The following AKAP6 variants were observed in gnomAD, a reference collection of about 807,000 sequenced individuals.
AKAP6 encodes the protein A-kinase anchoring protein 6.
A neutral mutation model predicts 188.5 loss-of-function variants in AKAP6; 58 were observed. That is an observed-to-expected ratio of 0.31 (90% CI 0.25 to 0.38). The LOEUF (loss-of-function observed/expected upper bound fraction) is 0.38. AKAP6 is among the 10% of genes least tolerant of loss of function. The probability of loss-of-function intolerance (pLI) is 1.00; values close to 1 mark genes in which losing one functional copy is unlikely to be tolerated. For missense variants in AKAP6, 2,710 were observed against 2,740.0 expected (o/e 0.99, Z 0.24); for synonymous variants, 989 against 998.6 (o/e 0.99, Z 0.18).
chr14:32,610,998 A>G, intron 7 of AKAP6, among the ~76,000 whole-genome samples: 1 of 152,198 alleles, frequency 6.6e-6, no homozygotes, highest in East Asian at 1.9e-4. Context: ...TGAAAGAGGA[A>G]GAACTGAAAG....
At chr14:32,580,436 T>C (rs745928084) in intron 5 of AKAP6, among the ~76,000 whole-genome samples, 1 of 152,122 alleles carries the variant, frequency 6.6e-6, no homozygotes, top group Non-Finnish European at 1.5e-5. Context: ...CAGACTTCTA[T>C]CTCTCTCCCT....
At chr14:32,671,987 A>G (rs1054630017) in intron 7 of AKAP6, among the ~76,000 whole-genome samples, 1 of 152,132 alleles carries the variant, frequency 6.6e-6, no homozygotes, top group African/African-American at 2.4e-5. Context: ...CTTCGAGTTG[A>G]TTAGATTGAC....
intron 1 of AKAP6, among the ~76,000 whole-genome samples, chr14:32,383,552 T>C (rs1456605497): frequency 2.0e-5 from 3 of 152,182 alleles, no homozygotes; most frequent in African/African-American, 7.2e-5. Context: ...AGTTACATCA[T>C]GTGATGTAAC....
At chr14:32,525,322 T>C (rs959702711) in intron 2 of AKAP6, among the ~76,000 whole-genome samples, 21 of 152,212 alleles carry the variant, frequency 1.4e-4, no homozygotes, top group African/African-American at 4.8e-4. Context: ...GCTCAATAAA[T>C]GAATCCTCTG....
chr14:32,677,026 A>G (rs1889458398), intron 7 of AKAP6, among the ~76,000 whole-genome samples: 1 of 152,108 alleles, frequency 6.6e-6, no homozygotes, highest in Admixed American at 6.6e-5. Flanking sequence ...GGGTTTCGCC[A>G]TGTTGGCCAG....
At chr14:32,657,541 C>T (rs1237231165) in intron 7 of AKAP6, among the ~76,000 whole-genome samples, 3 of 152,110 alleles carry the variant, frequency 2.0e-5, no homozygotes, top group African/African-American at 7.2e-5. Context: ...TTGTCATGGT[C>T]TTTCAGATTT....
intron 2 of AKAP6, among the ~76,000 whole-genome samples, chr14:32,439,842 G>A (rs17099134): frequency 0.12 from 17,926 of 152,130 alleles, 2,204 homozygotes; most frequent in African/African-American, 0.31. Flanking sequence ...GTTAAAGCCC[G>A]AAGCATTCAA....
chr14:32,581,703 G>A (rs1265929190), intron 5 of AKAP6, among the ~76,000 whole-genome samples: 4 of 152,192 alleles, frequency 2.6e-5, no homozygotes, highest in African/African-American at 4.8e-5. Flanking sequence ...ATATATTTAG[G>A]ACAGTTAGCT....
intron 7 of AKAP6, among the ~76,000 whole-genome samples, chr14:32,639,467 T>C (rs537964001): frequency 5.3e-5 from 8 of 152,248 alleles, no homozygotes; most frequent in South Asian, 4.1e-4. Flanking sequence ...AAAAGAATCA[T>C]TCATATGTGT....
chr14:32,809,463 C>A (rs532789001), intron 12 of AKAP6, among the ~76,000 whole-genome samples: 2 of 152,310 alleles, frequency 1.3e-5, no homozygotes, highest in African/African-American at 2.4e-5. Flanking sequence ...ACCCAGCAAG[C>A]CTCCTTATTG....
At chr14:32,483,434 G>C (rs1320404376) in intron 2 of AKAP6, among the ~76,000 whole-genome samples, 1 of 151,850 alleles carries the variant, frequency 6.6e-6, no homozygotes, top group Non-Finnish European at 1.5e-5. Context: ...GTTTTATAGT[G>C]AAGTTTGATT....
chr14:32,666,435 A>G (rs1888938052), intron 7 of AKAP6, among the ~76,000 whole-genome samples: 1 of 152,088 alleles, frequency 6.6e-6, no homozygotes, highest in Non-Finnish European at 1.5e-5. Context: ...TGTTTTAGAT[A>G]TAGGATCATT....
At chr14:32,692,952 T>C (rs1890242783) in intron 8 of AKAP6, among the ~76,000 whole-genome samples, 1 of 152,208 alleles carries the variant, frequency 6.6e-6, no homozygotes, top group African/African-American at 2.4e-5. Context: ...ATAGCCTCTC[T>C]AATAAATTAA....
At chr14:32,402,567 C>T (rs1594580119) in intron 1 of AKAP6, among the ~76,000 whole-genome samples, 1 of 152,070 alleles carries the variant, frequency 6.6e-6, no homozygotes, top group Admixed American at 6.5e-5. Context: ...TTTTGAGTGC[C>T]TGGAGAACTA....
chr14:32,653,657 T>G (rs1308113959), intron 7 of AKAP6, among the ~76,000 whole-genome samples: 1 of 152,112 alleles, frequency 6.6e-6, no homozygotes, highest in Non-Finnish European at 1.5e-5. Flanking sequence ...AATGCAAGAA[T>G]TGCCTAGTAC....
intron 1 of AKAP6, among the ~76,000 whole-genome samples, chr14:32,388,336 GTTGT>G (rs1390704813): frequency 4.6e-5 from 7 of 151,796 alleles, no homozygotes; most frequent in South Asian, 2.1e-4. Context: ...TGTTGTTGTT[GTTGT>G]TTGTTTGTTT....
chr14:32,519,337 CATAACA>C lies in AKAP6; in HGVS notation c.325-16213_325-16208del, dbSNP rs1881693804. ...TCATAATGACAGGATGAAATTCACACATAACAATATTAACCGTAAGTGTAAATGGGC... is the reference window on the plus strand; with the variant it reads ...TCATAATGACAGGATGAAATTCACACATATTAACCGTAAGTGTAAATGGGC... On this transcript the variant is annotated intron_variant, in intron 2 of 13. Coordinates refer to ENST00000280979, the MANE Select transcript of AKAP6 (RefSeq NM_004274.5). Among the ~76,000 whole-genome samples, 5 of 152,282 alleles carry C rather than the reference CATAACA, an allele frequency of 3.3e-5. No homozygotes were observed. The South Asian group carries it at 8.3e-4, about 25-fold the overall frequency.
At chr14:32,437,269 A>G (rs1357881180) in intron 2 of AKAP6, among the ~76,000 whole-genome samples, 1 of 151,988 alleles carries the variant, frequency 6.6e-6, no homozygotes, top group Non-Finnish European at 1.5e-5. Flanking sequence ...TTGGGCAGGG[A>G]TTGGCAGTGA....
chr14:32,536,114 G>C (rs1882666137), intron 3 of AKAP6, among the ~76,000 whole-genome samples: 1 of 152,174 alleles, frequency 6.6e-6, no homozygotes, highest in Non-Finnish European at 1.5e-5. Context: ...CAGACACTCA[G>C]TGCTAAGAAT....
Sources: allele counts gnomAD v4.1 joint callset (sites outside exome capture counted in the v4.1 genomes callset), GRCh38; gene constraint gnomAD v4.1.1; transcripts MANE v1.5; gene names NCBI Gene and HGNC (gene_info 2026-07-23, HGNC 2026-07-21).